The following ASIC2 variants were observed in gnomAD, a reference collection of about 807,000 sequenced individuals.
The protein encoded by ASIC2 is acid-sensing ion channel 2.
A neutral mutation model predicts 57.3 loss-of-function variants in ASIC2; 25 were observed. That is an observed-to-expected ratio of 0.44 (90% CI 0.32 to 0.61). ASIC2 has a LOEUF of 0.61. Ranked by LOEUF, ASIC2 falls within the 20% of genes least tolerant of loss-of-function variation. The pLI is 0.06. For missense variants in ASIC2, 641 were observed against 738.1 expected, an observed-to-expected ratio of 0.87 and a Z score of 1.52; for synonymous variants, 319 against 307.5, an observed-to-expected ratio of 1.04 and a Z score of -0.39.
At chr17:34,007,301 C>A (rs1906560101) in intron 1 of ASIC2, among the ~76,000 whole-genome samples, 1 of 152,232 alleles carries the variant, frequency 6.6e-6, no homozygotes, top group Non-Finnish European at 1.5e-5. Context: ...TTGAACTCAT[C>A]TTCTGCCAAA....
intron 1 of ASIC2, among the ~76,000 whole-genome samples, chr17:33,772,064 C>T (rs2142121161): frequency 6.6e-6 from 1 of 152,320 alleles, no homozygotes; most frequent in Non-Finnish European, 1.5e-5. Flanking sequence ...CTGAGGCCAA[C>T]CAGAGACACT....
chr17:33,493,179 T>C (rs979755171), intron 1 of ASIC2, among the ~76,000 whole-genome samples: 4 of 152,306 alleles, frequency 2.6e-5, no homozygotes, highest in Admixed American at 1.3e-4. Flanking sequence ...TTCTTCAGGC[T>C]CCAGGGTATG....
intron 1 of ASIC2, among the ~76,000 whole-genome samples, chr17:33,203,393 G>A (rs1361803753): frequency 2.0e-5 from 3 of 152,226 alleles, no homozygotes; most frequent in South Asian, 2.1e-4. Context: ...AGCCCACACA[G>A]TTGGAGGACT....
chr17:33,622,929 T>G (rs1267822549), intron 1 of ASIC2, among the ~76,000 whole-genome samples: 1 of 152,218 alleles, frequency 6.6e-6, no homozygotes, highest in African/African-American at 2.4e-5. Context: ...TTCCCAAAAA[T>G]GAGAGCCCAG....
intron 1 of ASIC2, among the ~76,000 whole-genome samples, chr17:33,893,522 T>A (rs1474136329): frequency 6.6e-6 from 1 of 152,186 alleles, no homozygotes; most frequent in East Asian, 1.9e-4. Context: ...ACAAGGCTAT[T>A]TTGAGAAGGT....
intron 1 of ASIC2, among the ~76,000 whole-genome samples, chr17:33,328,934 T>C (rs1907191289): frequency 6.6e-6 from 1 of 152,226 alleles, no homozygotes; most frequent in Non-Finnish European, 1.5e-5. Context: ...AACACCTTTC[T>C]CCTCTTGCTA....
chr17:33,783,932 C>T (rs1354132650), intron 1 of ASIC2, among the ~76,000 whole-genome samples: 1 of 152,242 alleles, frequency 6.6e-6, no homozygotes, highest in Admixed American at 6.5e-5. Context: ...CTACGCCATA[C>T]CGTCTCCAGA....
At chr17:33,701,890 A>G (rs1437768930) in intron 1 of ASIC2, among the ~76,000 whole-genome samples, 2 of 152,158 alleles carry the variant, frequency 1.3e-5, no homozygotes, top group Non-Finnish European at 1.5e-5. Context: ...TCTAAGATGT[A>G]TGTATTTCAT....
intron 1 of ASIC2, among the ~76,000 whole-genome samples, chr17:34,121,650 TC>T (rs149965381): frequency 0.027 from 4,104 of 152,240 alleles, 185 homozygotes; most frequent in African/African-American, 0.093. Flanking sequence ...CAACAGCTCC[TC>T]CGAGTCTTCA....
intron 1 of ASIC2, among the ~76,000 whole-genome samples, chr17:33,836,249 T>C (rs1335481141): frequency 6.6e-6 from 1 of 151,462 alleles, no homozygotes; most frequent in Non-Finnish European, 1.5e-5. Context: ...GTAGCTGGGA[T>C]TACAGGCATG....
intron 1 of ASIC2, among the ~76,000 whole-genome samples, chr17:34,154,202 A>G (rs1190063256): frequency 6.6e-6 from 1 of 152,226 alleles, no homozygotes; most frequent in Non-Finnish European, 1.5e-5. Flanking sequence ...TGCAGTGGTG[A>G]AGCCGAGCGT....
At chr17:34,107,138 C>A (rs528139680) in intron 1 of ASIC2, among the ~76,000 whole-genome samples, 1 of 152,212 alleles carries the variant, frequency 6.6e-6, no homozygotes, top group East Asian at 1.9e-4. Context: ...TTTGTGACTT[C>A]TCCTGTCCCA....
At chr17:33,687,046 C>T (rs893107326) in intron 1 of ASIC2, among the ~76,000 whole-genome samples, 12 of 152,290 alleles carry the variant, frequency 7.9e-5, no homozygotes, top group African/African-American at 2.9e-4. Context: ...TTTCTATTGA[C>T]TGTGTGTCCT....
chr17:33,842,185 C>T (rs1913457690), intron 1 of ASIC2, among the ~76,000 whole-genome samples: 1 of 152,182 alleles, frequency 6.6e-6, no homozygotes, highest in African/African-American at 2.4e-5. Context: ...TTTCACTTAA[C>T]ACCCTCCCCT....
At chr17:33,185,630 A>G (rs1906162729) in intron 1 of ASIC2, among the ~76,000 whole-genome samples, 1 of 152,104 alleles carries the variant, frequency 6.6e-6, no homozygotes, top group Non-Finnish European at 1.5e-5. Flanking sequence ...GAAGGCCAAA[A>G]AGCTAGAATT....
intron 1 of ASIC2, among the ~76,000 whole-genome samples, chr17:33,546,477 T>A (rs1330812593): frequency 6.6e-6 from 1 of 152,144 alleles, no homozygotes; most frequent in African/African-American, 2.4e-5. Flanking sequence ...ATGAAAGACA[T>A]CTAGAACTTG....
intron 1 of ASIC2, among the ~76,000 whole-genome samples, chr17:34,090,499 T>G (rs1311814060): frequency 6.6e-6 from 1 of 152,128 alleles, no homozygotes; most frequent in African/African-American, 2.4e-5. Context: ...TGGGGCAGTT[T>G]GAGGAACTCA....
chr17:33,816,239 G>T (rs1484795053), intron 1 of ASIC2, among the ~76,000 whole-genome samples: 1 of 152,216 alleles, frequency 6.6e-6, no homozygotes, highest in East Asian at 1.9e-4. Context: ...ATTGCTATGG[G>T]CTTCTTTCCA....
At chr17:33,419,295 A>C (rs1910966750) in intron 1 of ASIC2, among the ~76,000 whole-genome samples, 2 of 152,218 alleles carry the variant, frequency 1.3e-5, no homozygotes, top group African/African-American at 4.8e-5. Context: ...GATGGGAAGC[A>C]GCTTAGAGAA....
Sources: allele counts gnomAD v4.1 joint callset (sites outside exome capture counted in the v4.1 genomes callset), GRCh38; gene constraint gnomAD v4.1.1; transcripts MANE v1.5; gene names NCBI Gene and HGNC (gene_info 2026-07-23, HGNC 2026-07-21).